The following TEAD1 variants were observed in gnomAD, a reference collection of about 807,000 sequenced individuals.
TEAD1 encodes TEA domain transcription factor 1.
Under a neutral mutation model 54.9 loss-of-function variants are expected in TEAD1, and 9 were observed. That is an observed-to-expected ratio of 0.16 (90% CI 0.10 to 0.29). TEAD1 has a LOEUF of 0.29. Ranked by LOEUF, TEAD1 falls within the 10% of genes least tolerant of loss-of-function variation. The pLI is 1.00. For synonymous variants in TEAD1, 200 were observed against 187.8 expected, an observed-to-expected ratio of 1.07 and a Z score of -0.53; for missense variants, 387 against 535.9, an observed-to-expected ratio of 0.72 and a Z score of 2.74.
intron 2 of TEAD1, among the ~76,000 whole-genome samples, chr11:12,681,771 G>A (rs1022693756): frequency 1.3e-5 from 2 of 152,248 alleles, no homozygotes; most frequent in Non-Finnish European, 2.9e-5. Context: ...CCTGTCTCCC[G>A]CTGCCTGCGT....
intron 3 of TEAD1, among the ~76,000 whole-genome samples, chr11:12,826,613 T>G (rs1371172002): frequency 6.6e-6 from 1 of 152,186 alleles, no homozygotes; most frequent in Admixed American, 6.5e-5. Context: ...CTCTTACCGG[T>G]TTTGCAAACC....
intron 2 of TEAD1, among the ~76,000 whole-genome samples, chr11:12,757,398 T>C (rs903630369): frequency 6.6e-6 from 1 of 152,194 alleles, no homozygotes; most frequent in Non-Finnish European, 1.5e-5. Flanking sequence ...GTAAAATATA[T>C]TGTCTCAAAA....
chr11:12,690,598 A>G (rs1943438540), intron 2 of TEAD1, among the ~76,000 whole-genome samples: 1 of 152,204 alleles, frequency 6.6e-6, no homozygotes, highest in South Asian at 2.1e-4. Flanking sequence ...CAGGGTTTTT[A>G]AAAACTTTTT....
intron 3 of TEAD1, among the ~76,000 whole-genome samples, chr11:12,815,389 A>G (rs1285506479): frequency 6.6e-6 from 1 of 152,112 alleles, no homozygotes; most frequent in Non-Finnish European, 1.5e-5. Context: ...TGTTCTTCAC[A>G]TATTTTATTC....
intron 2 of TEAD1, among the ~76,000 whole-genome samples, chr11:12,763,616 G>A (rs1203286966): frequency 6.6e-6 from 1 of 152,184 alleles, no homozygotes; most frequent in African/African-American, 2.4e-5. Flanking sequence ...GCATCTTGAT[G>A]ATCTCATATT....
At chr11:12,850,265 G>C (rs1175880531) in intron 3 of TEAD1, among the ~76,000 whole-genome samples, 2 of 152,120 alleles carry the variant, frequency 1.3e-5, no homozygotes, top group African/African-American at 4.8e-5. Flanking sequence ...GGGAAACTCT[G>C]TCTCTACTAA....
At chr11:12,902,219 C>A in intron 10 of TEAD1, 106 bp downstream of exon 10, 2 of 1,419,688 alleles carry the variant, frequency 1.4e-6, no homozygotes, top group Non-Finnish European at 2.0e-6. Context: ...CTGAGTGCAC[C>A]TTCATGTGCT....
intron 3 of TEAD1, among the ~76,000 whole-genome samples, chr11:12,799,751 T>TA (rs1328255714): frequency 2.0e-5 from 3 of 152,250 alleles, no homozygotes; most frequent in Non-Finnish European, 4.4e-5. Flanking sequence ...TCCAAGCTGT[T>TA]ACGCTGCTTG....
At chr11:12,799,019 C>G (rs1945996985) in intron 3 of TEAD1, among the ~76,000 whole-genome samples, 1 of 152,226 alleles carries the variant, frequency 6.6e-6, no homozygotes, top group Non-Finnish European at 1.5e-5. Flanking sequence ...CACTTGGTAT[C>G]TGTTCACTCA....
intron 3 of TEAD1, among the ~76,000 whole-genome samples, chr11:12,775,392 G>A (rs73423644): frequency 0.034 from 5,242 of 152,224 alleles, 326 homozygotes; most frequent in African/African-American, 0.12. Flanking sequence ...CACAGGCCTG[G>A]ATTCAACGAT....
intron 2 of TEAD1, among the ~76,000 whole-genome samples, chr11:12,694,362 CTT>C (rs1350926283): frequency 1.3e-5 from 2 of 151,614 alleles, no homozygotes; most frequent in African/African-American, 4.9e-5. Flanking sequence ...TGGCCTGTCT[CTT>C]GCTTTTACTT....
At chr11:12,747,162 C>T (rs796218826) in intron 2 of TEAD1, among the ~76,000 whole-genome samples, 13 of 152,216 alleles carry the variant, frequency 8.5e-5, no homozygotes, top group African/African-American at 2.9e-4. Flanking sequence ...ATTGTATTCA[C>T]ATTTTAAGTT....
At chr11:12,925,412 C>G (rs911007222) in intron 11 of TEAD1, among the ~76,000 whole-genome samples, 3 of 152,140 alleles carry the variant, frequency 2.0e-5, no homozygotes, top group African/African-American at 7.2e-5. Flanking sequence ...TGAGAACTCC[C>G]ACAGTATCAC....
chr11:12,750,723 A>T (rs1466622554), intron 2 of TEAD1, among the ~76,000 whole-genome samples: 1 of 151,958 alleles, frequency 6.6e-6, no homozygotes, highest in East Asian at 1.9e-4. Flanking sequence ...TAGCCTTTCT[A>T]CTTTCTTGCT....
intron 9 of TEAD1, among the ~76,000 whole-genome samples, chr11:12,889,742 G>A (rs2134110528): frequency 6.6e-6 from 1 of 152,064 alleles, no homozygotes; most frequent in South Asian, 2.1e-4. Flanking sequence ...TTTTAATTGA[G>A]GCAGGGTCTC....
At chr11:12,861,261 A>G (rs543557652) in intron 3 of TEAD1, among the ~76,000 whole-genome samples, 2 of 152,234 alleles carry the variant, frequency 1.3e-5, no homozygotes, top group Non-Finnish European at 2.9e-5. Flanking sequence ...TTTTCCTATC[A>G]TGGTTTTCTG....
intron 3 of TEAD1, among the ~76,000 whole-genome samples, chr11:12,789,341 G>T (rs558282513): frequency 6.6e-6 from 1 of 152,186 alleles, no homozygotes; most frequent in South Asian, 2.1e-4. Context: ...ATTCTTATTG[G>T]CATTGCTTTT....
At chr11:12,924,095 T>G (rs890039939) in intron 10 of TEAD1, among the ~76,000 whole-genome samples, 2 of 152,134 alleles carry the variant, frequency 1.3e-5, no homozygotes, top group African/African-American at 4.8e-5. Context: ...TGTGCCCAAG[T>G]TGCATTTCCA....
At chr11:12,854,414 C>T (rs1314642707) in intron 3 of TEAD1, among the ~76,000 whole-genome samples, 1 of 152,102 alleles carries the variant, frequency 6.6e-6, no homozygotes, top group Non-Finnish European at 1.5e-5. Context: ...GAGGGGTAGG[C>T]ACATGTTCAT....
Sources: gnomAD v4.1 joint callset for allele counts (sites outside exome capture counted in the v4.1 genomes callset) on GRCh38, gnomAD v4.1.1 for gene constraint, MANE v1.5 for transcripts, NCBI Gene and HGNC (gene_info 2026-07-23, HGNC 2026-07-21) for gene names.